Variants in AUTS2 observed in about 807,000 individuals in gnomAD.
AUTS2 encodes autism susceptibility gene 2 protein.
Under a neutral mutation model 112.4 loss-of-function variants are expected in AUTS2, and 17 were observed. The observed-to-expected ratio is 0.15, with a 90% confidence interval of 0.10 to 0.23. The LOEUF (loss-of-function observed/expected upper bound fraction) is 0.23, where lower values mean the gene tolerates loss of function less well. AUTS2 is among the 10% of genes least tolerant of loss of function. The probability of loss-of-function intolerance (pLI) is 1.00; values close to 1 mark genes in which losing one functional copy is unlikely to be tolerated. For missense variants in AUTS2, 1,510 were observed against 1,701.6 expected (o/e 0.89, Z 1.98); for synonymous variants, 751 against 702.7 (o/e 1.07, Z -1.09).
At chr7:70,567,313 G>A (rs1239837041) in intron 5 of AUTS2, among the ~76,000 whole-genome samples, 2 of 152,110 alleles carry the variant, frequency 1.3e-5, no homozygotes, top group African/African-American at 4.8e-5. Context: ...ACATACATTT[G>A]ACTTGATTGA....
intron 4 of AUTS2, among the ~76,000 whole-genome samples, chr7:70,135,404 A>T (rs1442416069): frequency 6.6e-6 from 1 of 152,320 alleles, no homozygotes; most frequent in East Asian, 1.9e-4. Flanking sequence ...TGAGTGATGA[A>T]CACTGATACA....
intron 5 of AUTS2, among the ~76,000 whole-genome samples, chr7:70,555,523 C>T (rs1001086381): frequency 6.6e-6 from 1 of 152,102 alleles, no homozygotes; most frequent in African/African-American, 2.4e-5. Context: ...CTGGGACCCT[C>T]ATATTCTTGG....
intron 4 of AUTS2, among the ~76,000 whole-genome samples, 197 bp from the exon 5 acceptor site, chr7:70,435,555 T>A (rs1402192699): frequency 2.6e-5 from 4 of 152,214 alleles, no homozygotes; most frequent in Non-Finnish European, 5.9e-5. Context: ...CTTTTTTGCA[T>A]CTGGATAGCA....
At chr7:70,177,478 G>A (rs1584836260) in intron 4 of AUTS2, among the ~76,000 whole-genome samples, 1 of 152,106 alleles carries the variant, frequency 6.6e-6, no homozygotes, top group African/African-American at 2.4e-5. Context: ...TTTTGTCTGG[G>A]TCTTGCATGG....
At chr7:70,316,334 T>C (rs1233197001) in intron 4 of AUTS2, among the ~76,000 whole-genome samples, 1 of 151,596 alleles carries the variant, frequency 6.6e-6, no homozygotes, top group African/African-American at 2.4e-5. Context: ...CCAGTGGGTG[T>C]GAAGTCACTC....
At chr7:70,176,904 A>T (rs1809018535) in intron 4 of AUTS2, among the ~76,000 whole-genome samples, 1 of 152,188 alleles carries the variant, frequency 6.6e-6, no homozygotes, top group Non-Finnish European at 1.5e-5. Context: ...TTGTGTTTTA[A>T]TAAGTAAATT....
chr7:70,433,631 C>A lies in AUTS2; in HGVS notation c.661-2121C>A, dbSNP rs561350188. On this transcript the variant is annotated intron_variant, in intron 4 of 18. Coordinates refer to ENST00000342771, the MANE Select transcript of AUTS2 (RefSeq NM_015570.4). ...TCAGGTCAAAGAATGTAAATGTAGA[C>A]AATCTGAGGTTGGAAGCTGGGTTGG... Among the ~76,000 whole-genome samples the A allele has an allele frequency of 2.0e-5, 3 of 152,258 alleles. No homozygotes were observed. The East Asian group carries it at 5.8e-4, about 29-fold the overall frequency.
In AUTS2 at chr7:70,724,443, C is replaced by CTTTTTTTTTTTTTTTTT. The variant is rs71077675; in HGVS notation, c.742+25827_742+25843dup. Among the ~76,000 whole-genome samples, 24 of 101,376 alleles carry CTTTTTTTTTTTTTTTTT rather than the reference C, an allele frequency of 2.4e-4. 1 individual carries two copies. Among genetic ancestry groups the CTTTTTTTTTTTTTTTTT allele is most frequent in the East Asian group, 7.9e-4 (2 of 2,518 alleles). 66.5% of individuals were successfully genotyped at this position (101,376 alleles called of 152,430 possible). A position where few individuals can be genotyped will look rare whatever the true frequency, so the allele number is the denominator to read the frequency against. The stretch of plus-strand genomic sequence containing the variant: ...AAGAATGATTTTATTTTCATCCTGA[C>CTTTTTTTTTTTTTTTTT]TTTTTTTTTTTTTTTTTTTTGAGAC... On this transcript the variant is annotated intron_variant, in intron 6 of 18. Coordinates refer to ENST00000342771, the MANE Select transcript of AUTS2 (RefSeq NM_015570.4).
At chr7:69,889,564 A>G (rs1450401234) in intron 1 of AUTS2, among the ~76,000 whole-genome samples, 2 of 152,204 alleles carry the variant, frequency 1.3e-5, no homozygotes, top group East Asian at 3.8e-4. Flanking sequence ...CATATTCCAG[A>G]TGACTAATGA....
In AUTS2 at chr7:70,793,420, A is replaced by G. The variant is rs985339265; in HGVS notation, c.*2424A>G. The G allele has an allele frequency of 2.0e-5, 3 of 151,970 alleles. No homozygotes were observed. Among genetic ancestry groups the G allele is most frequent in the Non-Finnish European group, 4.4e-5 (3 of 68,004 alleles). 9.4% of individuals were successfully genotyped at this position (151,970 alleles called of 1,614,324 possible). On this transcript the variant is annotated 3_prime_UTR_variant, in exon 19 of 19. Transcript: ENST00000342771. Reference sequence around the variant, plus strand: ...CGTGGTGTAGTCCTCATCAGTTTGCAGTCTCCCTGTCCTCTAAAATCTGTT... The same window carrying G: ...CGTGGTGTAGTCCTCATCAGTTTGCGGTCTCCCTGTCCTCTAAAATCTGTT...
chr7:69,925,468 T>G lies in AUTS2; in HGVS notation c.522+25970T>G, dbSNP rs554256114. Among the ~76,000 whole-genome samples the G allele has an allele frequency of 3.2e-4, 49 of 152,324 alleles. 2 individuals are homozygous for G. The South Asian group carries it at 9.5e-3, about 30-fold the overall frequency. On this transcript the variant is annotated intron_variant, in intron 2 of 18. Coordinates refer to ENST00000342771, the MANE Select transcript of AUTS2 (RefSeq NM_015570.4). Reference sequence around the variant, plus strand: ...TCATTTTCATTCAGTTTAGAGTACTTTCTGATTTCCCTTGTGACTTCTAAT... The same window carrying G: ...TCATTTTCATTCAGTTTAGAGTACTGTCTGATTTCCCTTGTGACTTCTAAT...
intron 1 of AUTS2, among the ~76,000 whole-genome samples, chr7:69,611,905 C>T (rs937722279): frequency 8.0e-6 from 1 of 125,266 alleles, no homozygotes; most frequent in Non-Finnish European, 1.6e-5. Flanking sequence ...AGTCCGCAGT[C>T]CGGCCTGGGC....
intron 5 of AUTS2, among the ~76,000 whole-genome samples, chr7:70,584,637 C>T (rs960264067): frequency 6.6e-6 from 1 of 152,256 alleles, no homozygotes; most frequent in Non-Finnish European, 1.5e-5. Context: ...TGAGCCAGCC[C>T]TGGGGGCAGT....
chr7:70,727,948 C>A (rs1787132576), intron 6 of AUTS2, among the ~76,000 whole-genome samples: 1 of 152,186 alleles, frequency 6.6e-6, no homozygotes. Flanking sequence ...TCAGATTCTT[C>A]TATGTTCCCC....
chr7:70,648,539 T>C (rs776708616), intron 5 of AUTS2, among the ~76,000 whole-genome samples: 46 of 152,328 alleles, frequency 3.0e-4, no homozygotes, highest in Middle Eastern at 6.8e-3. Flanking sequence ...AGAAACACGA[T>C]ATAAAAACAA....
intron 5 of AUTS2, among the ~76,000 whole-genome samples, chr7:70,656,920 G>A (rs936973884): frequency 6.6e-6 from 1 of 152,084 alleles, no homozygotes; most frequent in African/African-American, 2.4e-5. Context: ...GGTTTATGCT[G>A]GGACTAGGTC....
intron 5 of AUTS2, among the ~76,000 whole-genome samples, chr7:70,583,910 A>G (rs1802571672): frequency 6.6e-6 from 1 of 152,262 alleles, no homozygotes; most frequent in South Asian, 2.1e-4. Flanking sequence ...AGGATATCAG[A>G]AACAAAAATG....
chr7:70,784,880 C>A, intron 15 of AUTS2, 62 bp from the exon 16 acceptor site: 1 of 1,487,902 alleles, frequency 6.7e-7, no homozygotes, highest in Non-Finnish European at 9.4e-7. Flanking sequence ...CAAGTAGAAG[C>A]CGGTTGCATC....
intron 3 of AUTS2, among the ~76,000 whole-genome samples, chr7:70,125,249 G>GTA (rs1805904152): frequency 1.6e-5 from 1 of 62,250 alleles, no homozygotes. Flanking sequence ...TTGGAGATGT[G>GTA]TGTGTGTGTG....
Sources: allele counts gnomAD v4.1 joint callset (sites outside exome capture counted in the v4.1 genomes callset), GRCh38; gene constraint gnomAD v4.1.1; transcripts MANE v1.5; gene names NCBI Gene and HGNC (gene_info 2026-07-23, HGNC 2026-07-21).